THSD7B: variants seen among roughly 807,000 people sequenced by gnomAD.
THSD7B encodes thrombospondin type-1 domain-containing protein 7B.
A neutral mutation model predicts 213.6 loss-of-function variants in THSD7B; 138 were observed. The ratio of observed to expected loss-of-function variants is 0.65; its 90% CI spans 0.56 to 0.74. The LOEUF (loss-of-function observed/expected upper bound fraction) is 0.74. THSD7B is among the 30% of genes least tolerant of loss of function. The pLI, the probability that THSD7B is intolerant of heterozygous loss-of-function variation, is 0.00. For synonymous variants in THSD7B, 742 were observed against 687.0 expected (o/e 1.08, Z -1.25); for missense variants, 1,931 against 1,991.5 (o/e 0.97, Z 0.58).
At chr2:137,640,729 C>CA (rs1451775734) in intron 20 of THSD7B, among the ~76,000 whole-genome samples, 1 of 152,190 alleles carries the variant, frequency 6.6e-6, no homozygotes, top group Non-Finnish European at 1.5e-5. Flanking sequence ...TATTGCCCAA[C>CA]ACATGGTACT....
At chr2:136,794,940 C>T (rs1682035135) in intron 1 of THSD7B, among the ~76,000 whole-genome samples, 1 of 151,780 alleles carries the variant, frequency 6.6e-6, no homozygotes, top group South Asian at 2.1e-4. Context: ...ACTTCTGGTC[C>T]AAGAGTCTAC....
At chr2:136,968,158 T>G (rs1024837729) in intron 2 of THSD7B, among the ~76,000 whole-genome samples, 1 of 152,176 alleles carries the variant, frequency 6.6e-6, no homozygotes, top group Non-Finnish European at 1.5e-5. Flanking sequence ...GGCATGTATA[T>G]CTTCAATCTG....
chr2:137,122,054 G>GC (rs1004762856), intron 5 of THSD7B, among the ~76,000 whole-genome samples: 9 of 152,156 alleles, frequency 5.9e-5, no homozygotes, highest in African/African-American at 2.2e-4. Flanking sequence ...GAAACAAGGA[G>GC]CATTACTGGG....
intron 5 of THSD7B, among the ~76,000 whole-genome samples, chr2:137,137,684 C>T (rs1679493576): frequency 6.6e-6 from 1 of 152,096 alleles, no homozygotes; most frequent in South Asian, 2.1e-4. Context: ...ACAAAATTGC[C>T]TGATGACACA....
At chr2:137,370,392 T>A (rs1428986721) in intron 12 of THSD7B, among the ~76,000 whole-genome samples, 1 of 152,188 alleles carries the variant, frequency 6.6e-6, no homozygotes, top group Non-Finnish European at 1.5e-5. Flanking sequence ...TTAAACTCAA[T>A]CTCTAAAGAG....
At chr2:136,826,685 C>A (rs1423529806) in intron 1 of THSD7B, among the ~76,000 whole-genome samples, 2 of 152,106 alleles carry the variant, frequency 1.3e-5, no homozygotes, top group Admixed American at 1.3e-4. Context: ...TTCTAATAAT[C>A]ATTAAAACCA....
At chr2:136,867,707 C>A (rs967751561) in intron 1 of THSD7B, among the ~76,000 whole-genome samples, 1 of 152,134 alleles carries the variant, frequency 6.6e-6, no homozygotes, top group Admixed American at 6.5e-5. Context: ...CTAGAGATAT[C>A]TTTCATTATA....
chr2:137,099,199 A>G (rs1422926684), intron 4 of THSD7B, among the ~76,000 whole-genome samples: 1 of 152,126 alleles, frequency 6.6e-6, no homozygotes, highest in Non-Finnish European at 1.5e-5. Flanking sequence ...GTCACTGGGC[A>G]TCATGATCTT....
At chr2:136,984,680 G>A (rs977975355) in intron 2 of THSD7B, among the ~76,000 whole-genome samples, 5 of 152,148 alleles carry the variant, frequency 3.3e-5, no homozygotes, top group Admixed American at 1.3e-4. Flanking sequence ...TACCAAGAAT[G>A]GGGTGTTATG....
Position 137,459,854 on chromosome 2 carries a change from A to C in THSD7B, c.3138+8831A>C, listed in dbSNP as rs545428216. Among the ~76,000 whole-genome samples the C allele has an allele frequency of 3.9e-5, 6 of 152,242 alleles. No homozygotes were observed. The South Asian group carries it at 1.2e-3, about 32-fold the overall frequency. The stretch of plus-strand genomic sequence containing the variant: ...CCTGCTCTGGAATCTGTAGTTCAGT[A>C]CACTTAGAGTGGATTAAGGAACGTG... On this transcript the variant is annotated intron_variant, in intron 15 of 27. Coordinates refer to ENST00000409968, the MANE Select transcript of THSD7B (RefSeq NM_001316349.2).
In THSD7B at chr2:137,268,893, C is replaced by T. The variant is rs574534514; in HGVS notation, c.2267-3640C>T. Among the ~76,000 whole-genome samples, 12 of 152,242 alleles carry T rather than the reference C, an allele frequency of 7.9e-5. No individual in the cohort carries two copies. The South Asian group carries it at 2.5e-3, about 32-fold the overall frequency. ...GTACACTGCCTGCCCTTGAGTTTCC[C>T]ACAACACCACTTAAGTCTGTTGTGT... On this transcript the variant is annotated intron_variant, in intron 10 of 27. Coordinates refer to ENST00000409968, the MANE Select transcript of THSD7B (RefSeq NM_001316349.2).
chr2:137,484,794 T>C (rs1688391580), intron 15 of THSD7B, among the ~76,000 whole-genome samples: 2 of 88,896 alleles, frequency 2.2e-5, no homozygotes, highest in African/African-American at 8.4e-5. Flanking sequence ...TTTTTTCATG[T>C]GTTTTTTGGC....
chr2:137,087,672 C>G (rs1687864742), intron 3 of THSD7B, among the ~76,000 whole-genome samples: 1 of 152,178 alleles, frequency 6.6e-6, no homozygotes, highest in African/African-American at 2.4e-5. Context: ...AATGGAAACA[C>G]ATCCCATGCT....
intron 2 of THSD7B, among the ~76,000 whole-genome samples, chr2:137,038,536 G>A (rs975757276): frequency 1.3e-5 from 2 of 152,148 alleles, no homozygotes; most frequent in African/African-American, 4.8e-5. Context: ...CGGAACAGCT[G>A]GGTTATGTTT....
At chr2:136,963,970 G>T (rs1685273647) in intron 2 of THSD7B, among the ~76,000 whole-genome samples, 1 of 148,798 alleles carries the variant, frequency 6.7e-6, no homozygotes, top group South Asian at 2.2e-4. Flanking sequence ...AGAAAATATT[G>T]CTAGCTAGCC....
At chr2:136,907,777 A>G (rs1335962840) in intron 2 of THSD7B, among the ~76,000 whole-genome samples, 2 of 152,188 alleles carry the variant, frequency 1.3e-5, no homozygotes, top group Non-Finnish European at 2.9e-5. Flanking sequence ...TCCTTTTGCA[A>G]AGGTAACTGC....
intron 15 of THSD7B, among the ~76,000 whole-genome samples, chr2:137,547,773 G>A (rs1303483006): frequency 6.6e-6 from 1 of 151,982 alleles, no homozygotes; most frequent in Non-Finnish European, 1.5e-5. Context: ...CTGATAGACT[G>A]TGGAATAAGT....
At chr2:137,123,660 G>C (rs999793366) in intron 5 of THSD7B, among the ~76,000 whole-genome samples, 1 of 152,180 alleles carries the variant, frequency 6.6e-6, no homozygotes, top group Non-Finnish European at 1.5e-5. Flanking sequence ...AGGAAGAAAG[G>C]AGAATGTTTT....
At chr2:137,333,107 G>T (rs1484593184) in intron 12 of THSD7B, among the ~76,000 whole-genome samples, 4 of 152,086 alleles carry the variant, frequency 2.6e-5, no homozygotes, top group Non-Finnish European at 5.9e-5. Flanking sequence ...GGGTCTGTCT[G>T]GTAGAGGAAA....
Sources: allele counts gnomAD v4.1 joint callset (sites outside exome capture counted in the v4.1 genomes callset), GRCh38; gene constraint gnomAD v4.1.1; transcripts MANE v1.5; gene names NCBI Gene and HGNC (gene_info 2026-07-23, HGNC 2026-07-21).